Variants in LRBA observed in about 807,000 individuals in gnomAD.
LRBA encodes the protein LPS responsive beige-like anchor protein.
A neutral mutation model predicts 330.0 loss-of-function variants in LRBA; 176 were observed. The observed-to-expected ratio is 0.53, with a 90% CI of 0.47 to 0.60. The LOEUF is 0.60. Among genes scored for constraint, LRBA ranks in the 20% least tolerant of loss-of-function variants. The pLI, the probability that LRBA is intolerant of heterozygous loss-of-function variation, is 0.00. For missense variants in LRBA, 3,259 were observed against 3,444.8 expected (o/e 0.95, Z 1.35); for synonymous variants, 1,230 against 1,193.0 (o/e 1.03, Z -0.64).
At chr4:150,376,165 T>C (rs1741286503) in intron 47 of LRBA, among the ~76,000 whole-genome samples, 2 of 152,188 alleles carry the variant, frequency 1.3e-5, no homozygotes, top group Admixed American at 1.3e-4. Context: ...TATGAAGTAA[T>C]GCAACCCCCA....
intron 34 of LRBA, among the ~76,000 whole-genome samples, chr4:150,778,658 C>CA (rs1188096427): frequency 6.6e-6 from 1 of 152,064 alleles, no homozygotes; most frequent in Non-Finnish European, 1.5e-5. Flanking sequence ...ATAAAGGTGA[C>CA]AAAAAAGTTG....
At chr4:150,393,422 G>A (rs1744285253) in intron 47 of LRBA, among the ~76,000 whole-genome samples, 5 of 150,068 alleles carry the variant, frequency 3.3e-5, no homozygotes, top group Admixed American at 3.3e-4. Flanking sequence ...TCTAGACTCT[G>A]CATTCATAAT....
At chr4:150,298,653 A>C (rs1290610561) in intron 53 of LRBA, among the ~76,000 whole-genome samples, 4 of 152,074 alleles carry the variant, frequency 2.6e-5, no homozygotes, top group African/African-American at 4.8e-5. Context: ...AAAGAACAGA[A>C]TCTTGTTGTT....
chr4:150,545,252 A>G (rs904254695), intron 40 of LRBA, among the ~76,000 whole-genome samples: 2 of 152,198 alleles, frequency 1.3e-5, no homozygotes, highest in East Asian at 1.9e-4. Flanking sequence ...TGGCATATAT[A>G]TGAGCTAGAA....
intron 47 of LRBA, among the ~76,000 whole-genome samples, chr4:150,364,478 G>T (rs182088379): frequency 6.9e-6 from 1 of 145,636 alleles, no homozygotes; most frequent in Non-Finnish European, 1.5e-5. Context: ...GACTCCTAAA[G>T]CCATATTAAC....
At chr4:150,386,179 T>C (rs1743025536) in intron 47 of LRBA, among the ~76,000 whole-genome samples, 1 of 151,888 alleles carries the variant, frequency 6.6e-6, no homozygotes, top group African/African-American at 2.4e-5. Flanking sequence ...ATAATCAAAA[T>C]CAGCATTCTC....
At position 150,991,032 on chromosome 4, in the gene LRBA, G is replaced by A. The variant is rs1742013529; in HGVS notation, c.216+23395C>T. On this transcript the variant is annotated intron_variant, in intron 2 of 56. Coordinates refer to ENST00000651943, the MANE Select transcript of LRBA (RefSeq NM_001364905.1). Reference sequence around the variant, plus strand: ...TGTGCCACAGCATTCCAACCTGAGTGACAAAGTGAGACTCTGTCTCCAAAA... The same window carrying A: ...TGTGCCACAGCATTCCAACCTGAGTAACAAAGTGAGACTCTGTCTCCAAAA... Among the ~76,000 whole-genome samples the A allele has an allele frequency of 2.2e-5, 3 of 137,778 alleles. No individual in the cohort carries two copies. The East Asian group carries it at 6.7e-4, about 31-fold the overall frequency. 90.4% of individuals were successfully genotyped at this position (137,778 alleles called of 152,430 possible).
intron 34 of LRBA, among the ~76,000 whole-genome samples, chr4:150,763,405 T>A (rs1582274879): frequency 6.6e-6 from 1 of 152,042 alleles, no homozygotes; most frequent in African/African-American, 2.4e-5. Flanking sequence ...CAATATATAC[T>A]CTCTAAAATT....
intron 37 of LRBA, among the ~76,000 whole-genome samples, chr4:150,601,597 A>T (rs1774118059): frequency 1.3e-5 from 2 of 152,204 alleles, no homozygotes; most frequent in Non-Finnish European, 2.9e-5. Flanking sequence ...CAGGGAACTG[A>T]GAATTTGTTC....
At chr4:150,849,972 CAAATAAAAAA>C (rs537294224) in intron 24 of LRBA, among the ~76,000 whole-genome samples, 222 of 151,338 alleles carry the variant, frequency 1.5e-3, no homozygotes, top group Non-Finnish European at 2.7e-3. Context: ...GAATCTTACA[CAAATAAAAAA>C]AAATAAATTA....
At chr4:150,752,035 A>G (rs777365690) in intron 35 of LRBA, among the ~76,000 whole-genome samples, 1 of 152,134 alleles carries the variant, frequency 6.6e-6, no homozygotes, top group Non-Finnish European at 1.5e-5. Context: ...ACTTTTCTAC[A>G]CTCTAATAAT....
At chr4:150,810,553 C>T (rs776931534) in intron 31 of LRBA, among the ~76,000 whole-genome samples, 2 of 152,108 alleles carry the variant, frequency 1.3e-5, no homozygotes, top group Admixed American at 6.5e-5. Flanking sequence ...GCATAGGATT[C>T]GTTTAAAAAT....
chr4:150,856,271 A>C (rs1399679472), intron 22 of LRBA, among the ~76,000 whole-genome samples: 1 of 152,168 alleles, frequency 6.6e-6, no homozygotes, highest in Non-Finnish European at 1.5e-5. Context: ...CTCCTGAGTG[A>C]AACTGCTCCA....
rs1032386298 is a variant in LRBA at position 150,726,888 on chromosome 4, T to C, written c.5754+8370A>G. 2.0e-5 allele frequency among the ~76,000 whole-genome samples: 3 copies of C among 150,844 alleles called. No homozygotes were observed. The East Asian group carries it at 5.9e-4, about 29-fold the overall frequency. ...GCAACTAAATATATAAGGAAAATAT[T>C]ATGAGAACTAATGAGAGAGATAGAC... On this transcript the variant is annotated intron_variant, in intron 36 of 56. Coordinates refer to ENST00000651943, the MANE Select transcript of LRBA (RefSeq NM_001364905.1).
chr4:150,890,297 T>TC (rs1396636692), intron 17 of LRBA, among the ~76,000 whole-genome samples: 1 of 152,186 alleles, frequency 6.6e-6, no homozygotes, highest in Non-Finnish European at 1.5e-5. Context: ...GCATGACATT[T>TC]CCCCACCAGC....
At chr4:150,924,531 A>T (rs1258673788) in intron 4 of LRBA, among the ~76,000 whole-genome samples, 1 of 152,080 alleles carries the variant, frequency 6.6e-6, no homozygotes, top group African/African-American at 2.4e-5. Context: ...AAGAAAGAGG[A>T]AAAGAAAAAG....
chr4:150,560,453 C>G (rs1768171665), intron 40 of LRBA, among the ~76,000 whole-genome samples: 1 of 151,946 alleles, frequency 6.6e-6, no homozygotes, highest in Non-Finnish European at 1.5e-5. Flanking sequence ...TCCTCTGTGA[C>G]CAAAAACTAA....
Position 150,321,087 on chromosome 4 carries a change from T to C in LRBA, c.7630+104A>G, listed in dbSNP as rs1581004928. On this transcript the variant is annotated intron_variant, in intron 50 of 56. Coordinates refer to ENST00000651943, the MANE Select transcript of LRBA (RefSeq NM_001364905.1). The surrounding 1 kb of genome is among the most constrained non-coding windows in gnomAD (Gnocchi z 4.5). The stretch of plus-strand genomic sequence containing the variant: ...TATTAAACAATTTGATTCAGACTAA[T>C]GCTTGAAAATTAAAAGCTTAAATGT... 2.8e-6 allele frequency: 3 copies of C among 1,083,154 alleles called. No individual in the cohort carries two copies. The highest frequency in any genetic ancestry group is 2.7e-5 in the East Asian group (1 of 36,562). The allele number at this position is 1,083,154 out of a possible 1,614,324, so 67.1% of individuals were successfully genotyped here.
intron 47 of LRBA, among the ~76,000 whole-genome samples, chr4:150,353,776 G>A (rs914780081): frequency 5.3e-5 from 8 of 152,054 alleles, no homozygotes; most frequent in African/African-American, 1.7e-4. Context: ...CCAGTAATTC[G>A]CGGAACTATT....
Sources: gnomAD v4.1 joint callset for allele counts (sites outside exome capture counted in the v4.1 genomes callset) on GRCh38, gnomAD v4.1.1 for gene constraint, Gnocchi (gnomAD v3.1) non-coding constraint, MANE v1.5 for transcripts, NCBI Gene and HGNC (gene_info 2026-07-23, HGNC 2026-07-21) for gene names.